The following TTBK2 variants were observed in gnomAD, a reference collection of about 807,000 sequenced individuals.
TTBK2 encodes the protein tau-tubulin kinase 2.
In TTBK2, 28 loss-of-function variants were observed where a neutral mutation model predicts 110.8. The observed-to-expected ratio is 0.25, with a 90% CI of 0.19 to 0.35. TTBK2 has a LOEUF of 0.35. Among genes scored for constraint, TTBK2 ranks in the 10% least tolerant of loss-of-function variants. TTBK2 has a pLI of 1.00. For synonymous variants in TTBK2, 532 were observed against 527.3 expected, an observed-to-expected ratio of 1.01 and a Z score of -0.12; for missense variants, 1,369 against 1,500.3, an observed-to-expected ratio of 0.91 and a Z score of 1.45.
intron 10 of TTBK2, among the ~76,000 whole-genome samples, chr15:42,792,429 C>G (rs1376210805): frequency 6.6e-6 from 1 of 152,078 alleles, no homozygotes; most frequent in African/African-American, 2.4e-5. Context: ...TCCGTCACTC[C>G]ACTAATGAAG....
intron 9 of TTBK2, chr15:42,801,827 T>G: frequency 1.1e-6 from 1 of 877,022 alleles, no homozygotes; most frequent in Non-Finnish European, 1.9e-6. Flanking sequence ...TACTCCTTGA[T>G]GAGCACAAAT....
chr15:42,818,740 A>G (rs1339816067), intron 6 of TTBK2, among the ~76,000 whole-genome samples: 1 of 151,486 alleles, frequency 6.6e-6, no homozygotes, highest in African/African-American at 2.4e-5. Flanking sequence ...CAAACAAAAA[A>G]TCTGAAATCC....
At chr15:42,919,738 ACAACT>A in intron 1 of TTBK2, 4 of 961,208 alleles carry the variant, frequency 4.2e-6, no homozygotes, top group Non-Finnish European at 5.0e-6. Flanking sequence ...AAAGCAAAGT[ACAACT>A]CAATGTCATT....
intron 3 of TTBK2, among the ~76,000 whole-genome samples, chr15:42,855,886 G>A (rs979685801): frequency 6.6e-6 from 1 of 152,076 alleles, no homozygotes; most frequent in African/African-American, 2.4e-5. Flanking sequence ...GTTTCACCGT[G>A]TTAGCCAGGA....
rs1159617662 is a variant in TTBK2 at position 42,879,589 on chromosome 15, C to T, written c.-67-905G>A. The stretch of plus-strand genomic sequence containing the variant: ...CTGCCACTGCAGCACAAAAGCCATA[C>T]ACAATTATGTAAACGAATGAGTATG... On this transcript the variant is annotated intron_variant, in intron 1 of 14. Transcript: ENST00000267890. 2.7e-5 allele frequency among the ~76,000 whole-genome samples: 4 copies of T among 150,648 alleles called. No homozygotes were observed. In the East Asian group the frequency reaches 7.8e-4, roughly 29 times the overall value.
At chr15:42,767,786 A>G (rs1889454950) in intron 13 of TTBK2, among the ~76,000 whole-genome samples, 1 of 152,206 alleles carries the variant, frequency 6.6e-6, no homozygotes, top group South Asian at 2.1e-4. Flanking sequence ...TCCTGATACC[A>G]AAGCCTGACA....
chr15:42,764,924 A>AGCAATATTTGCTGTTCT (rs531506275), intron 13 of TTBK2, among the ~76,000 whole-genome samples: 1 of 152,244 alleles, frequency 6.6e-6, no homozygotes, highest in Non-Finnish European at 1.5e-5. Context: ...AGGATCAGGC[A>AGCAATATTTGCTGTTCT]GCAATATTTG....
intron 9 of TTBK2, among the ~76,000 whole-genome samples, chr15:42,807,997 A>C (rs528980272): frequency 1.3e-5 from 2 of 152,340 alleles, no homozygotes; most frequent in African/African-American, 4.8e-5. Flanking sequence ...GGGGTTAAAA[A>C]AATAAGACAT....
chr15:42,798,855 A>T (rs1891056052), intron 9 of TTBK2, among the ~76,000 whole-genome samples: 1 of 152,138 alleles, frequency 6.6e-6, no homozygotes, highest in African/African-American at 2.4e-5. Flanking sequence ...AAGTTGTTTG[A>T]AGAGGAGGAA....
chr15:42,790,893 GT>G lies in TTBK2; in HGVS notation c.980+3750del, dbSNP rs1316780569. ...TTTTGTGTGTTTTTTTTGTTTGTTT[GT>G]TTGTTTTGAGATGGAGTCTCGCTCT... On this transcript the variant is annotated intron_variant, in intron 10 of 14. Transcript: ENST00000267890. 1.6e-4 allele frequency among the ~76,000 whole-genome samples: 24 copies of G among 151,908 alleles called. No homozygotes were observed. The East Asian group carries it at 4.7e-3, about 30-fold the overall frequency.
intron 7 of TTBK2, among the ~76,000 whole-genome samples, chr15:42,812,481 T>G (rs532599400): frequency 3.8e-4 from 58 of 152,322 alleles, no homozygotes; most frequent in African/African-American, 1.3e-3. Flanking sequence ...AATTAACTTC[T>G]GGGTGATCAT....
At chr15:42,762,962 G>A (rs2140665859) in intron 13 of TTBK2, among the ~76,000 whole-genome samples, 1 of 149,306 alleles carries the variant, frequency 6.7e-6, no homozygotes, top group East Asian at 2.0e-4. Context: ...ATTAGAGGCT[G>A]GAAAGAGTAG....
Position 42,753,073 on chromosome 15 carries a change from C to G in TTBK2, c.2173G>C (p.Gly725Arg). ...TGAAGCCCCAAATCTGTTCTGCTTC[C>G]TCCACTAGGAGGTTCACCCTCTGTC... ...VVTEGEPPSG[G>R]SRTDLGLQID... The change falls in exon 14 of 15, where the codon GGA becomes CGA. Residue 725 changes from glycine to arginine, a missense_variant. By Grantham distance (125) the Gly-to-Arg change is moderately radical. Around this residue, in one of 4 missense-constraint regions of TTBK2, gnomAD observed 1,097 missense variants for 1,114.7 expected, o/e 0.98. Transcript: ENST00000267890. 1 of 1,610,218 alleles carries G rather than the reference C, an allele frequency of 6.2e-7. No individual in the cohort carries two copies. Among genetic ancestry groups the G allele is most frequent in the South Asian group, 1.1e-5 (1 of 90,416 alleles).
chr15:42,755,213 A>T lies in TTBK2; in HGVS notation c.1999-1966T>A, dbSNP rs1334007829. Among the ~76,000 whole-genome samples, 8 of 152,324 alleles carry T rather than the reference A, an allele frequency of 5.3e-5. No homozygotes were observed. In the East Asian group the frequency reaches 1.5e-3, roughly 29 times the overall value. On this transcript the variant is annotated intron_variant, in intron 13 of 14. Transcript: ENST00000267890. ...TGAAAATAACTATATAAACTAATAA[A>T]GAAAAACAGTCTTTTTGAGAAATCA...
At chr15:42,897,682 G>A (rs992358209) in intron 1 of TTBK2, among the ~76,000 whole-genome samples, 2 of 152,108 alleles carry the variant, frequency 1.3e-5, no homozygotes, top group African/African-American at 4.8e-5. Context: ...ATGTGTTTTA[G>A]GCATTTTTCT....
rs528467393 is a variant in TTBK2 at position 42,759,993 on chromosome 15, T to C, written c.1999-6746A>G. On this transcript the variant is annotated intron_variant, in intron 13 of 14. Coordinates refer to ENST00000267890, the MANE Select transcript of TTBK2 (RefSeq NM_173500.4). ...TCAGTGACATATAAGAGAATAAAGA[T>C]AGACAATTCAGTTAAATCAGAAAAA... Among the ~76,000 whole-genome samples, 14 of 152,184 alleles carry C rather than the reference T, an allele frequency of 9.2e-5. No homozygotes were observed. The East Asian group carries it at 2.3e-3, about 25-fold the overall frequency.
At chr15:42,838,254 G>A (rs922022200) in intron 4 of TTBK2, among the ~76,000 whole-genome samples, 2 of 151,876 alleles carry the variant, frequency 1.3e-5, no homozygotes, top group Non-Finnish European at 2.9e-5. Flanking sequence ...CCAAAACAAC[G>A]TTTGCTTAAG....
intron 1 of TTBK2, among the ~76,000 whole-genome samples, chr15:42,893,947 A>G (rs1020731548): frequency 6.6e-6 from 1 of 152,142 alleles, no homozygotes; most frequent in African/African-American, 2.4e-5. Context: ...CTAAAAAAAT[A>G]TGGGCATGAT....
At chr15:42,866,752 A>G (rs532691819) in intron 3 of TTBK2, among the ~76,000 whole-genome samples, 23 of 152,362 alleles carry the variant, frequency 1.5e-4, no homozygotes, top group South Asian at 1.0e-3. Flanking sequence ...TAGAGATCAT[A>G]TTAGAAAGAC....
Sources: allele counts gnomAD v4.1 joint callset (sites outside exome capture counted in the v4.1 genomes callset), GRCh38; gene constraint gnomAD v4.1.1; regional missense constraint gnomAD v4.1.1; transcripts MANE v1.5; gene names NCBI Gene and HGNC (gene_info 2026-07-23, HGNC 2026-07-21).